CPNE8: variants seen among roughly 807,000 people sequenced by gnomAD.
CPNE8 encodes copine 8.
Under a neutral mutation model 81.5 loss-of-function variants are expected in CPNE8, and 45 were observed. The ratio of observed to expected loss-of-function variants is 0.55; its 90% CI spans 0.44 to 0.71. The LOEUF (loss-of-function observed/expected upper bound fraction) is 0.71, where lower values mean the gene tolerates loss of function less well. CPNE8 is among the 30% of genes least tolerant of loss of function. The probability of loss-of-function intolerance (pLI) is 0.00; values close to 1 mark genes in which losing one functional copy is unlikely to be tolerated. For synonymous variants in CPNE8, 252 were observed against 226.3 expected (o/e 1.11, Z -1.02); for missense variants, 594 against 672.1 (o/e 0.88, Z 1.28).
chr12:38,741,034 A>G (rs1287726219), intron 10 of CPNE8, among the ~76,000 whole-genome samples: 1 of 152,158 alleles, frequency 6.6e-6, no homozygotes, highest in Non-Finnish European at 1.5e-5. Context: ...GTAAAAGAGG[A>G]CACAAACAAA....
intron 1 of CPNE8, among the ~76,000 whole-genome samples, chr12:38,887,685 C>A (rs1477878249): frequency 2.6e-5 from 4 of 152,152 alleles, no homozygotes; most frequent in African/African-American, 9.7e-5. Flanking sequence ...AATCCTTATA[C>A]AACTGTATCA....
chr12:38,817,886 G>A (rs186585435), intron 6 of CPNE8, among the ~76,000 whole-genome samples: 314 of 152,224 alleles, frequency 2.1e-3, no homozygotes, highest in Non-Finnish European at 3.3e-3. Flanking sequence ...GCCTCCCAAA[G>A]TGCTGGGATT....
At chr12:38,749,264 C>T (rs984725891) in intron 10 of CPNE8, among the ~76,000 whole-genome samples, 6 of 151,622 alleles carry the variant, frequency 4.0e-5, no homozygotes, top group Admixed American at 1.3e-4. Flanking sequence ...GATTGTGAGT[C>T]TTCCCCCGCC....
intron 19 of CPNE8, among the ~76,000 whole-genome samples, chr12:38,661,745 A>T (rs113999343): frequency 0.017 from 2,532 of 152,264 alleles, 52 homozygotes; most frequent in African/African-American, 0.057. Context: ...ACATAGATGC[A>T]AACATCTTCA....
Position 38,760,880 on chromosome 12 carries a change from T to C in CPNE8, c.689A>G (p.Lys230Arg). 1 of 1,572,124 alleles carries C rather than the reference T, an allele frequency of 6.4e-7. No homozygotes were observed. Among genetic ancestry groups the C allele is most frequent in the Non-Finnish European group, 8.6e-7 (1 of 1,165,736 alleles). The change falls in exon 10 of 20, where the codon AAA becomes AGA. Residue 230 changes from lysine to arginine, a missense_variant. Coordinates refer to ENST00000331366, the MANE Select transcript of CPNE8 (RefSeq NM_153634.3). ...LCNGDYDRTI[K>R]VEVYDWDRDG... The stretch of plus-strand genomic sequence containing the variant: ...TCGGTCCCAGTCATACACCTCTACT[T>C]TGATTGTTCTGTACATGAGAAAAAC...
chr12:38,677,545 A>G lies in CPNE8; in HGVS notation c.1281T>C (p.Ser427=). ...PVINHVARYA[S]SVKDGSQYFV... is the part of the protein sequence containing the mutation. ...AATACTGGGAGCCATCCTTTACAGA[A>G]GAAGCATATCTGAAAGGCAACGAAA... The change falls in exon 17 of 20, where the codon TCT becomes TCC. Residue 427 remains serine (S), a synonymous_variant. Coordinates refer to ENST00000331366, the MANE Select transcript of CPNE8 (RefSeq NM_153634.3). 1 of 1,607,144 alleles carries G rather than the reference A, an allele frequency of 6.2e-7. No individual in the cohort carries two copies. Among genetic ancestry groups the G allele is most frequent in the Non-Finnish European group, 8.5e-7 (1 of 1,174,338 alleles).
intron 14 of CPNE8, among the ~76,000 whole-genome samples, chr12:38,702,336 G>A (rs1939967866): frequency 6.6e-6 from 1 of 151,988 alleles, no homozygotes; most frequent in South Asian, 2.1e-4. Context: ...CCATACATGG[G>A]CTGTTATATA....
At chr12:38,856,854 C>T (rs1368887588) in intron 3 of CPNE8, among the ~76,000 whole-genome samples, 3 of 151,978 alleles carry the variant, frequency 2.0e-5, no homozygotes, top group East Asian at 3.9e-4. Context: ...TGTACTATCA[C>T]AAAACCTTAT....
In CPNE8 at chr12:38,652,909, C is replaced by T. The variant is rs560322977; in HGVS notation, c.*973G>A. The T allele has an allele frequency of 1.2e-4, 18 of 152,578 alleles. No homozygotes were observed. The South Asian group carries it at 2.5e-3, about 21-fold the overall frequency. The allele number at this position is 152,578 out of a possible 1,614,324, so 9.5% of individuals were successfully genotyped here. A position where few individuals can be genotyped will look rare whatever the true frequency, so the allele number is the denominator to read the frequency against. Reference sequence around the variant, plus strand: ...CCAGCCTGTGCACCTTGTGTGGCAACGTGGAATGGTGATAACAAGAAATTC... The same window carrying T: ...CCAGCCTGTGCACCTTGTGTGGCAATGTGGAATGGTGATAACAAGAAATTC... On this transcript the variant is annotated 3_prime_UTR_variant, in exon 20 of 20. Coordinates refer to ENST00000331366, the MANE Select transcript of CPNE8 (RefSeq NM_153634.3).
chr12:38,728,623 C>T (rs1001593465), intron 11 of CPNE8, among the ~76,000 whole-genome samples: 7 of 151,924 alleles, frequency 4.6e-5, no homozygotes, highest in African/African-American at 7.3e-5. Flanking sequence ...AACCATGGGA[C>T]ACCATTAAGC....
intron 19 of CPNE8, among the ~76,000 whole-genome samples, chr12:38,662,713 G>C (rs1414007342): frequency 6.6e-6 from 1 of 152,036 alleles, no homozygotes; most frequent in African/African-American, 2.4e-5. Context: ...GAAAGCTGAA[G>C]GTATCACATT....
At chr12:38,822,495 G>A (rs1201095373) in intron 6 of CPNE8, among the ~76,000 whole-genome samples, 1 of 152,108 alleles carries the variant, frequency 6.6e-6, no homozygotes, top group Non-Finnish European at 1.5e-5. Context: ...AACAATGAGT[G>A]TTTATTAAAT....
Position 38,710,914 on chromosome 12 carries a change from T to C in CPNE8, c.915-7993A>G, listed in dbSNP as rs528155790. 5.3e-5 allele frequency among the ~76,000 whole-genome samples: 8 copies of C among 152,332 alleles called. No individual in the cohort carries two copies. In the South Asian group the frequency reaches 1.7e-3, roughly 32 times the overall value. ...TTTCCCACTCTACTACCTCCTGCCC[T>C]TGCTAAGCTACTGTTTTTTTGTATT... is the stretch of plus-strand genomic sequence containing the variant. On this transcript the variant is annotated intron_variant, in intron 13 of 19. Coordinates refer to ENST00000331366, the MANE Select transcript of CPNE8 (RefSeq NM_153634.3).
chr12:38,730,039 C>T (rs73099173), intron 11 of CPNE8, among the ~76,000 whole-genome samples: 7,227 of 151,922 alleles, frequency 0.048, 586 homozygotes, highest in African/African-American at 0.16. Context: ...AAACAATAAA[C>T]TTATATCCAT....
intron 6 of CPNE8, among the ~76,000 whole-genome samples, chr12:38,798,258 A>G (rs906722625): frequency 6.6e-6 from 1 of 152,134 alleles, no homozygotes; most frequent in Non-Finnish European, 1.5e-5. Flanking sequence ...CGGATTCACC[A>G]AAGTTGAAAT....
chr12:38,777,938 C>G (rs562068724), intron 6 of CPNE8, among the ~76,000 whole-genome samples: 1 of 152,136 alleles, frequency 6.6e-6, no homozygotes, highest in East Asian at 1.9e-4. Context: ...GAACGTGAAC[C>G]CTATTGTGAA....
intron 6 of CPNE8, among the ~76,000 whole-genome samples, chr12:38,801,417 A>G (rs1385052566): frequency 2.8e-5 from 1 of 35,348 alleles, no homozygotes; most frequent in East Asian, 6.3e-4. Flanking sequence ...AAGCTTCATA[A>G]GTGAAGGAGA....
intron 1 of CPNE8, among the ~76,000 whole-genome samples, chr12:38,885,545 T>C (rs1944225435): frequency 6.6e-6 from 1 of 152,158 alleles, no homozygotes; most frequent in African/African-American, 2.4e-5. Context: ...CAGCCCAGAT[T>C]CAGGCATGTA....
intron 13 of CPNE8, among the ~76,000 whole-genome samples, chr12:38,719,185 T>C (rs904043590): frequency 1.3e-5 from 2 of 152,218 alleles, no homozygotes; most frequent in African/African-American, 4.8e-5. Flanking sequence ...ATCCAATTCA[T>C]GTGAACTACA....
Sources: allele counts gnomAD v4.1 joint callset (sites outside exome capture counted in the v4.1 genomes callset), GRCh38; gene constraint gnomAD v4.1.1; transcripts MANE v1.5; gene names NCBI Gene and HGNC (gene_info 2026-07-23, HGNC 2026-07-21).